EAF2: variants seen among roughly 807,000 people sequenced by gnomAD.
The protein encoded by EAF2 is ELL associated factor 2.
In EAF2, 29 loss-of-function variants were observed where a neutral mutation model predicts 29.4. That is an observed-to-expected ratio of 0.99 (90% CI 0.73 to 1.35). The LOEUF is 1.35. EAF2 is among the 40% of genes most tolerant of loss of function. The pLI is 0.00. For missense variants in EAF2, 292 were observed against 312.0 expected (o/e 0.94, Z 0.48); for synonymous variants, 103 against 102.5 (o/e 1.00, Z -0.03).
intron 1 of EAF2, 50 bp downstream of exon 1, chr3:121,835,441 T>A: frequency 6.5e-7 from 1 of 1,528,596 alleles, no homozygotes; most frequent in Non-Finnish European, 9.0e-7. Flanking sequence ...GGGATGGGGG[T>A]GAAGAGGCAC....
At chr3:121,852,853 T>C (rs1708656531) in intron 2 of EAF2, among the ~76,000 whole-genome samples, 1 of 152,136 alleles carries the variant, frequency 6.6e-6, no homozygotes, top group Non-Finnish European at 1.5e-5. Flanking sequence ...AAGACAAACA[T>C]ACACAAATAA....
At chr3:121,853,300 CA>C (rs1164818272) in intron 2 of EAF2, among the ~76,000 whole-genome samples, 1 of 152,176 alleles carries the variant, frequency 6.6e-6, no homozygotes, top group Admixed American at 6.5e-5. Context: ...TTTTTACAGA[CA>C]TTTGTCTGTA....
At chr3:121,841,176 G>C (rs1488768093) in intron 1 of EAF2, among the ~76,000 whole-genome samples, 1 of 152,152 alleles carries the variant, frequency 6.6e-6, no homozygotes, top group Non-Finnish European at 1.5e-5. Context: ...TCCTTAGATT[G>C]ATGAGCAGAA....
At chr3:121,840,572 G>C (rs1004022830) in intron 1 of EAF2, among the ~76,000 whole-genome samples, 1 of 148,276 alleles carries the variant, frequency 6.7e-6, no homozygotes, top group Admixed American at 6.9e-5. Flanking sequence ...TTGGGAGGCC[G>C]AGGCAGGCAG....
intron 4 of EAF2, among the ~76,000 whole-genome samples, chr3:121,865,790 A>G (rs1489323620): frequency 6.6e-6 from 1 of 152,198 alleles, no homozygotes; most frequent in Non-Finnish European, 1.5e-5. Flanking sequence ...TGCATTCCTC[A>G]AAGTGTTCTC....
At chr3:121,885,769 C>G (rs1332154347) in intron 5 of EAF2, among the ~76,000 whole-genome samples, 1 of 152,110 alleles carries the variant, frequency 6.6e-6, no homozygotes, top group Non-Finnish European at 1.5e-5. Context: ...AAAATAGCAC[C>G]TGCCACTGCC....
At chr3:121,835,526 C>A in intron 1 of EAF2, 135 bp downstream of exon 1, 1 of 762,346 alleles carries the variant, frequency 1.3e-6, no homozygotes, top group South Asian at 1.6e-5. Context: ...GGGGAGGCAG[C>A]GCGATCCTCT....
At chr3:121,868,816 A>G (rs1396370384) in intron 4 of EAF2, among the ~76,000 whole-genome samples, 5 of 152,202 alleles carry the variant, frequency 3.3e-5, no homozygotes, top group African/African-American at 1.2e-4. Flanking sequence ...TAGAACTACT[A>G]GACAGAAAAT....
At chr3:121,839,829 C>G (rs571692981) in intron 1 of EAF2, among the ~76,000 whole-genome samples, 1 of 152,148 alleles carries the variant, frequency 6.6e-6, no homozygotes, top group Non-Finnish European at 1.5e-5. Flanking sequence ...GCTAGAGCCA[C>G]TATGTGGAGA....
At chr3:121,841,740 T>G (rs1433089836) in intron 1 of EAF2, among the ~76,000 whole-genome samples, 1 of 151,434 alleles carries the variant, frequency 6.6e-6, no homozygotes, top group Non-Finnish European at 1.5e-5. Flanking sequence ...CCGGGCGCAG[T>G]TGCTCACGCC....
At chr3:121,870,336 A>G (rs1708990349) in intron 4 of EAF2, among the ~76,000 whole-genome samples, 2 of 152,204 alleles carry the variant, frequency 1.3e-5, no homozygotes, top group Non-Finnish European at 2.9e-5. Context: ...CAACATGAAC[A>G]AGACAACATT....
chr3:121,844,193 T>TG (rs3840259), intron 1 of EAF2, among the ~76,000 whole-genome samples: 55,943 of 152,012 alleles, frequency 0.37, 10,806 homozygotes, highest in African/African-American at 0.42. Flanking sequence ...AGGTTCATCT[T>TG]GTCTAAACAG....
At chr3:121,865,502 T>G (rs1478617436) in intron 4 of EAF2, among the ~76,000 whole-genome samples, 4 of 152,126 alleles carry the variant, frequency 2.6e-5, no homozygotes, top group Non-Finnish European at 5.9e-5. Flanking sequence ...TTTTGTAGCT[T>G]AAATTTTACA....
At chr3:121,873,717 T>C (rs543129444) in intron 5 of EAF2, among the ~76,000 whole-genome samples, 1 of 151,968 alleles carries the variant, frequency 6.6e-6, no homozygotes, top group African/African-American at 2.4e-5. Flanking sequence ...GTGCTTTCTT[T>C]TTGCCACTAT....
At chr3:121,882,301 A>T (rs1709201992) in intron 5 of EAF2, among the ~76,000 whole-genome samples, 1 of 151,916 alleles carries the variant, frequency 6.6e-6, no homozygotes, top group African/African-American at 2.4e-5. Context: ...GTAAGCTGAG[A>T]TCATGTCACT....
chr3:121,868,419 T>G (rs1708960137), intron 4 of EAF2, among the ~76,000 whole-genome samples: 1 of 152,006 alleles, frequency 6.6e-6, no homozygotes, highest in Non-Finnish European at 1.5e-5. Context: ...GCCAACGTGG[T>G]GAAACCCCAT....
chr3:121,857,643 A>G (rs1341092627), intron 4 of EAF2, among the ~76,000 whole-genome samples: 2 of 152,078 alleles, frequency 1.3e-5, no homozygotes, highest in African/African-American at 2.4e-5. Flanking sequence ...GTTTTATGTA[A>G]GCAATATCCA....
chr3:121,862,592 T>C (rs1159496025), intron 4 of EAF2, among the ~76,000 whole-genome samples: 1 of 152,236 alleles, frequency 6.6e-6, no homozygotes, highest in African/African-American at 2.4e-5. Context: ...TCAAGGTTTT[T>C]AGCTTCTTTG....
intron 3 of EAF2, among the ~76,000 whole-genome samples, chr3:121,856,398 T>G (rs911296157): frequency 2.0e-5 from 3 of 152,008 alleles, no homozygotes; most frequent in Non-Finnish European, 4.4e-5. Flanking sequence ...AGGCTGGTCT[T>G]GAACTCCTGG....
Sources: allele counts gnomAD v4.1 joint callset (sites outside exome capture counted in the v4.1 genomes callset), GRCh38; gene constraint gnomAD v4.1.1; transcripts MANE v1.5; gene names NCBI Gene and HGNC (gene_info 2026-07-23, HGNC 2026-07-21).